The following UGGT2 variants were observed in gnomAD, a reference collection of about 807,000 sequenced individuals.
The protein encoded by UGGT2 is UDP-glucose glycoprotein glucosyltransferase 2, also known as UDP-glucose:glycoprotein glucosyltransferase 2.
Under a neutral mutation model 192.1 loss-of-function variants are expected in UGGT2, and 180 were observed. The ratio of observed to expected loss-of-function variants is 0.94; its 90% CI spans 0.83 to 1.06. UGGT2 has a LOEUF of 1.06. UGGT2 is among the 50% of genes least tolerant of loss of function. UGGT2 has a pLI of 0.00. For missense variants in UGGT2, 1,849 were observed against 1,795.7 expected, an observed-to-expected ratio of 1.03 and a Z score of -0.54; for synonymous variants, 580 against 591.0, an observed-to-expected ratio of 0.98 and a Z score of 0.27.
rs527608722 is a variant in UGGT2 at position 95,958,179 on chromosome 13, T to A, written c.1336-8725A>T. On this transcript the variant is annotated intron_variant, in intron 12 of 38. Coordinates refer to ENST00000376747, the MANE Select transcript of UGGT2 (RefSeq NM_020121.4). ...AATTTTTTTTTTTTTTAAGACAGAG[T>A]CTTGCTCTGTCGCCCAGGCTGGAAT... Among the ~76,000 whole-genome samples the A allele has an allele frequency of 3.3e-5, 5 of 151,732 alleles. No homozygotes were observed. The East Asian group carries it at 9.7e-4, about 29-fold the overall frequency.
intron 20 of UGGT2, among the ~76,000 whole-genome samples, chr13:95,914,400 A>G (rs968854477): frequency 2.0e-4 from 30 of 152,206 alleles, no homozygotes; most frequent in African/African-American, 6.5e-4. Flanking sequence ...AGATTTGTCA[A>G]TTTCCTTGGA....
intron 20 of UGGT2, among the ~76,000 whole-genome samples, chr13:95,914,334 C>T (rs1181186374): frequency 3.3e-5 from 5 of 151,618 alleles, no homozygotes; most frequent in Non-Finnish European, 5.9e-5. Flanking sequence ...AAACTACTGG[C>T]ATCCACTTAA....
At chr13:95,877,405 T>G in intron 28 of UGGT2, 41 bp from the exon 29 acceptor site, 1 of 1,492,692 alleles carries the variant, frequency 6.7e-7, no homozygotes, top group Non-Finnish European at 9.2e-7. Context: ...GTAATATGAC[T>G]AAAAACCATC....
intron 38 of UGGT2, among the ~76,000 whole-genome samples, chr13:95,824,541 G>A (rs1486604712): frequency 1.3e-5 from 2 of 151,952 alleles, no homozygotes; most frequent in Admixed American, 6.6e-5. Flanking sequence ...CTATCTTTGA[G>A]CTCTAAAATT....
chr13:95,980,147 AG>A (rs1417755422), intron 10 of UGGT2, among the ~76,000 whole-genome samples: 5 of 152,260 alleles, frequency 3.3e-5, no homozygotes, highest in Non-Finnish European at 7.4e-5. Context: ...AACTGCCCAG[AG>A]GGGTGGGGGG....
intron 37 of UGGT2, among the ~76,000 whole-genome samples, chr13:95,835,604 A>G (rs1296585223): frequency 6.6e-6 from 1 of 152,168 alleles, no homozygotes; most frequent in East Asian, 1.9e-4. Context: ...AAAAGTTCCT[A>G]TATTTTGTTT....
intron 5 of UGGT2, 50 bp downstream of exon 5, chr13:96,013,257 A>G (rs2052221347): frequency 4.7e-6 from 7 of 1,492,616 alleles, no homozygotes; most frequent in Non-Finnish European, 6.3e-6. Context: ...TATCATAATA[A>G]TTGTTTTTTT....
At chr13:95,858,107 T>G (rs1419611638) in intron 33 of UGGT2, among the ~76,000 whole-genome samples, 1 of 151,646 alleles carries the variant, frequency 6.6e-6, no homozygotes, top group Non-Finnish European at 1.5e-5. Flanking sequence ...TCTGAATGCC[T>G]GGGTTCAAAT....
intron 7 of UGGT2, chr13:95,991,516 G>T: frequency 4.5e-6 from 2 of 449,018 alleles, no homozygotes; most frequent in Non-Finnish European, 8.9e-6. Flanking sequence ...ACATAAATAT[G>T]GTAATCTTAT....
intron 36 of UGGT2, 41 bp from the exon 37 acceptor site, chr13:95,837,243 A>C: frequency 7.2e-7 from 1 of 1,395,956 alleles, no homozygotes; most frequent in Non-Finnish European, 1.0e-6. Flanking sequence ...TATGAAATTT[A>C]GAGTCAGAAG....
rs528179228 is a variant in UGGT2 at position 95,928,302 on chromosome 13, C to A, written c.1978-966G>T. Among the ~76,000 whole-genome samples the A allele has an allele frequency of 9.1e-3, 1,378 of 151,540 alleles. 22 individuals are homozygous for A. The highest frequency in any genetic ancestry group is 0.032 in the African/African-American group (1,313 of 41,322). ...GGCGGCTGGCCGGGCAGGGGCTGCC[C>A]CCCACCTCCCCGACGGGACGGCTGG... On this transcript the variant is annotated intron_variant, in intron 17 of 38. Coordinates refer to ENST00000376747, the MANE Select transcript of UGGT2 (RefSeq NM_020121.4).
chr13:95,899,066 C>T (rs1021734616), intron 22 of UGGT2, among the ~76,000 whole-genome samples: 1 of 152,072 alleles, frequency 6.6e-6, no homozygotes, highest in East Asian at 1.9e-4. Context: ...AATTTGTATC[C>T]TTATAATAAA....
intron 38 of UGGT2, chr13:95,809,365 T>C: frequency 2.4e-6 from 1 of 417,710 alleles, no homozygotes; most frequent in Non-Finnish European, 4.7e-6. Flanking sequence ...CCACGGTTTT[T>C]GTTTCTCCAT....
chr13:95,818,678 A>G (rs570642777), intron 38 of UGGT2, among the ~76,000 whole-genome samples: 1 of 152,246 alleles, frequency 6.6e-6, no homozygotes, highest in South Asian at 2.1e-4. Flanking sequence ...ATGTAGCTTG[A>G]ACAGGGCAGG....
intron 11 of UGGT2, 133 bp from the exon 12 acceptor site, chr13:95,970,395 A>G: frequency 6.8e-6 from 5 of 733,686 alleles, no homozygotes; most frequent in Non-Finnish European, 1.1e-5. Flanking sequence ...AAAATATATT[A>G]AACTCATTAA....
At chr13:95,930,998 C>G (rs1041498626) in intron 17 of UGGT2, among the ~76,000 whole-genome samples, 1 of 152,288 alleles carries the variant, frequency 6.6e-6, no homozygotes, top group East Asian at 1.9e-4. Flanking sequence ...GGGACCCAAG[C>G]GGGTTGCCAC....
In UGGT2 at chr13:95,863,649, TC is replaced by T; in HGVS notation, c.3623del (p.Gly1208AspfsTer11). On this transcript the variant is annotated frameshift_variant, in exon 31 of 39. Coordinates refer to ENST00000376747, the MANE Select transcript of UGGT2 (RefSeq NM_020121.4). LOFTEE classifies it high-confidence loss of function. ...ILTDEDEKTK[G>X]LWDSIKSFTV... is the part of the protein sequence containing the mutation. ...ATTACCTTTTAATGGAATCCCACAG[TC>T]CTTTTGTTTTTTCATCTTCATCGGT... 6.2e-7 allele frequency: 1 copy of T among 1,611,448 alleles called. No individual in the cohort carries two copies. Among genetic ancestry groups the T allele is most frequent in the South Asian group, 1.1e-5 (1 of 91,022 alleles).
chr13:96,040,799 G>C (rs772702870), intron 1 of UGGT2, among the ~76,000 whole-genome samples: 2 of 152,124 alleles, frequency 1.3e-5, no homozygotes, highest in African/African-American at 2.4e-5. Flanking sequence ...GGACCTTAAG[G>C]AGCATAACAC....
chr13:96,025,315 GA>G lies in UGGT2; in HGVS notation c.242-1557del, dbSNP rs372906527. 9.2e-5 allele frequency among the ~76,000 whole-genome samples: 14 copies of G among 152,292 alleles called. No individual in the cohort carries two copies. The South Asian group carries it at 1.5e-3, about 16-fold the overall frequency. Reference sequence around the variant, plus strand: ...AATAGGATTTGAGGAGAGTGCTTGAGAAGTAATAGTGGATATTCTGACAAAA... The same window carrying G: ...AATAGGATTTGAGGAGAGTGCTTGAGAGTAATAGTGGATATTCTGACAAAA... On this transcript the variant is annotated intron_variant, in intron 2 of 38. Coordinates refer to ENST00000376747, the MANE Select transcript of UGGT2 (RefSeq NM_020121.4).
Sources: allele counts gnomAD v4.1 joint callset (sites outside exome capture counted in the v4.1 genomes callset), GRCh38; gene constraint gnomAD v4.1.1; transcripts MANE v1.5; gene names NCBI Gene and HGNC (gene_info 2026-07-23, HGNC 2026-07-21).